Variants in ARHGAP28 observed in about 807,000 individuals in gnomAD.
The protein encoded by ARHGAP28 is rho GTPase-activating protein 28.
Under a neutral mutation model 90.7 loss-of-function variants are expected in ARHGAP28, and 56 were observed. The observed-to-expected ratio is 0.62, with a 90% CI of 0.50 to 0.77. The LOEUF is 0.77. ARHGAP28 is among the 30% of genes least tolerant of loss of function. ARHGAP28 has a pLI of 0.00. For missense variants in ARHGAP28, 869 were observed against 900.9 expected (o/e 0.96, Z 0.45); for synonymous variants, 308 against 323.3 (o/e 0.95, Z 0.51).
chr18:6,903,850 C>T (rs567504139), intron 16 of ARHGAP28, among the ~76,000 whole-genome samples: 298 of 128,734 alleles, frequency 2.3e-3, no homozygotes, highest in African/African-American at 7.8e-3. Context: ...AAAAAAGAAT[C>T]CAGAAAGATA....
intron 1 of ARHGAP28, among the ~76,000 whole-genome samples, chr18:6,804,949 G>A (rs1418267858): frequency 1.3e-5 from 2 of 152,126 alleles, no homozygotes; most frequent in Non-Finnish European, 2.9e-5. Context: ...GTATCTACCT[G>A]TTCTATAGAT....
intron 1 of ARHGAP28, among the ~76,000 whole-genome samples, chr18:6,751,589 C>T (rs549767201): frequency 6.6e-6 from 1 of 152,216 alleles, no homozygotes; most frequent in East Asian, 1.9e-4. Context: ...ATTATTGGAG[C>T]TGGAGTATAG....
chr18:6,892,295 C>T (rs916648204), intron 14 of ARHGAP28, among the ~76,000 whole-genome samples: 9 of 152,002 alleles, frequency 5.9e-5, no homozygotes, highest in African/African-American at 1.9e-4. Context: ...ATTACAGGTG[C>T]CTGCCATCAT....
intron 5 of ARHGAP28, among the ~76,000 whole-genome samples, chr18:6,861,830 G>A (rs2057000966): frequency 6.6e-6 from 1 of 152,174 alleles, no homozygotes; most frequent in Non-Finnish European, 1.5e-5. Context: ...TTCTTACTGA[G>A]CACATATTGT....
intron 7 of ARHGAP28, 83 bp from the exon 8 acceptor site, chr18:6,873,326 T>C (rs1291971072): frequency 2.6e-6 from 3 of 1,175,976 alleles, no homozygotes; most frequent in Non-Finnish European, 3.7e-6. Context: ...TGCATAGATT[T>C]AGAGTGTCCA....
chr18:6,821,430 G>A (rs990015847), intron 1 of ARHGAP28, among the ~76,000 whole-genome samples: 1 of 152,166 alleles, frequency 6.6e-6, no homozygotes, highest in Non-Finnish European at 1.5e-5. Context: ...GGCAAAAACA[G>A]CTGATGAAGC....
At chr18:6,730,526 A>G (rs570128504) in intron 1 of ARHGAP28, among the ~76,000 whole-genome samples, 2 of 152,276 alleles carry the variant, frequency 1.3e-5, no homozygotes, top group South Asian at 2.1e-4. Context: ...GCTAATGTCA[A>G]CTCTATGCTG....
At chr18:6,874,115 T>C (rs1298569129) in intron 9 of ARHGAP28, among the ~76,000 whole-genome samples, 1 of 152,248 alleles carries the variant, frequency 6.6e-6, no homozygotes, top group African/African-American at 2.4e-5. Flanking sequence ...TGTTTGTGTG[T>C]GCATTTGATT....
intron 2 of ARHGAP28, among the ~76,000 whole-genome samples, chr18:6,834,996 T>C (rs910487174): frequency 2.6e-5 from 4 of 152,202 alleles, no homozygotes; most frequent in African/African-American, 9.7e-5. Flanking sequence ...CAGTCAGATA[T>C]ATGGAACTGA....
At chr18:6,732,630 T>C (rs8088557) in intron 1 of ARHGAP28, among the ~76,000 whole-genome samples, 147,952 of 152,306 alleles carry the variant, frequency 0.97, 72,028 homozygotes, top group Middle Eastern at 1. Flanking sequence ...CCCTTCAACA[T>C]TGAGGCAGTT....
intron 6 of ARHGAP28, among the ~76,000 whole-genome samples, chr18:6,869,348 C>T (rs967452035): frequency 2.0e-5 from 3 of 150,048 alleles, no homozygotes; most frequent in African/African-American, 4.9e-5. Context: ...GCAGCCTCTG[C>T]CTCTTGAGTT....
chr18:6,855,265 AC>A (rs1415703575), intron 4 of ARHGAP28, among the ~76,000 whole-genome samples: 2 of 152,172 alleles, frequency 1.3e-5, no homozygotes, highest in African/African-American at 4.8e-5. Flanking sequence ...TCCATTGATG[AC>A]CATTCAGTCA....
At chr18:6,735,100 T>C (rs925195475) in intron 1 of ARHGAP28, among the ~76,000 whole-genome samples, 17 of 152,212 alleles carry the variant, frequency 1.1e-4, no homozygotes, top group Admixed American at 1.1e-3. Context: ...TAGAGTATTG[T>C]AGAATCGCCT....
At chr18:6,907,820 G>T (rs577726450) in intron 16 of ARHGAP28, among the ~76,000 whole-genome samples, 3 of 152,290 alleles carry the variant, frequency 2.0e-5, no homozygotes, top group South Asian at 4.1e-4. Flanking sequence ...GGTGTAGGGT[G>T]CACAGGATGC....
chr18:6,897,728 G>A (rs1034656202), intron 16 of ARHGAP28: 1 of 152,104 alleles, frequency 6.6e-6, no homozygotes. Context: ...TTTTATTGAT[G>A]GAGACTAGAT....
At chr18:6,809,998 T>C (rs1361836804) in intron 1 of ARHGAP28, among the ~76,000 whole-genome samples, 1 of 152,192 alleles carries the variant, frequency 6.6e-6, no homozygotes, top group Non-Finnish European at 1.5e-5. Context: ...TCTCTTTGCA[T>C]GTGTTTCCTA....
In ARHGAP28 at chr18:6,732,901, G is replaced by GCTCT. The variant is rs554501052; in HGVS notation, c.122+2958_122+2959insCTCT. On this transcript the variant is annotated intron_variant, in intron 1 of 17. Coordinates refer to ENST00000383472, the MANE Select transcript of ARHGAP28 (RefSeq NM_001366230.1). ...TAATCAGGTGTTGTTGCTGTAAAGA[G>GCTCT]GAGAGTCAAACTTTTGGTACTTGCA... 2.8e-3 allele frequency among the ~76,000 whole-genome samples: 424 copies of GCTCT among 152,164 alleles called. 5 individuals carry two copies. The highest frequency in any genetic ancestry group is 9.7e-3 in the African/African-American group (404 of 41,514).
chr18:6,811,934 G>C (rs1356413473), intron 1 of ARHGAP28, among the ~76,000 whole-genome samples: 2 of 152,014 alleles, frequency 1.3e-5, no homozygotes, highest in Non-Finnish European at 2.9e-5. Flanking sequence ...AAGTTTGGCT[G>C]GAGACAGACA....
rs550542724 is a variant in ARHGAP28, at chr18:6,755,315, A to G, written c.122+25372A>G. On this transcript the variant is annotated intron_variant, in intron 1 of 17. Transcript: ENST00000383472. The stretch of plus-strand genomic sequence containing the variant: ...GAAGTTGAGTAGTGGCTCCTTTCCA[A>G]AAAGTGACAATGGAATCCTTAAGGA... Among the ~76,000 whole-genome samples the G allele has an allele frequency of 6.6e-5, 10 of 152,322 alleles. 1 individual carries two copies. In the South Asian group the frequency reaches 1.9e-3, roughly 28 times the overall value.
Sources: gnomAD v4.1 joint callset for allele counts (sites outside exome capture counted in the v4.1 genomes callset) on GRCh38, gnomAD v4.1.1 for gene constraint, MANE v1.5 for transcripts, NCBI Gene and HGNC (gene_info 2026-07-23, HGNC 2026-07-21) for gene names.